Variants in RBFOX1 observed in about 807,000 individuals in gnomAD.
RBFOX1 encodes RNA binding fox-1 homolog 1.
A neutral mutation model predicts 57.7 loss-of-function variants in RBFOX1; 8 were observed. The ratio of observed to expected loss-of-function variants is 0.14; its 90% CI spans 0.08 to 0.25. The LOEUF is 0.25. RBFOX1 is among the 10% of genes least tolerant of loss of function. The pLI, the probability that RBFOX1 is intolerant of heterozygous loss-of-function variation, is 1.00. For missense variants in RBFOX1, 611 were observed against 548.5 expected (o/e 1.11, Z -1.14); for synonymous variants, 326 against 222.4 (o/e 1.47, Z -4.15).
chr16:5,851,602 A>G (rs540875775), intron 3 of RBFOX1, among the ~76,000 whole-genome samples: 2 of 152,306 alleles, frequency 1.3e-5, no homozygotes, highest in African/African-American at 4.8e-5. Context: ...GTTTCTTCTC[A>G]ATTTTGAGAT....
At chr16:6,750,792 G>A (rs538485805) in intron 3 of RBFOX1, among the ~76,000 whole-genome samples, 124 of 152,302 alleles carry the variant, frequency 8.1e-4, no homozygotes, top group Non-Finnish European at 8.5e-4. Context: ...TGGTGGAAGT[G>A]AGAAAAACAT....
At chr16:7,517,239 A>G (rs1003905348) in intron 4 of RBFOX1, among the ~76,000 whole-genome samples, 3 of 151,138 alleles carry the variant, frequency 2.0e-5, no homozygotes, top group Non-Finnish European at 4.4e-5. Context: ...GTTTCCTGAA[A>G]TGGAAGCATT....
At chr16:6,068,007 A>C (rs1041414683) in intron 1 of RBFOX1, among the ~76,000 whole-genome samples, 2 of 152,254 alleles carry the variant, frequency 1.3e-5, no homozygotes, top group African/African-American at 4.8e-5. Context: ...CAGTCTTTCT[A>C]TCAATATGAC....
chr16:6,944,717 C>G (rs1372567616), intron 3 of RBFOX1, among the ~76,000 whole-genome samples: 4 of 152,168 alleles, frequency 2.6e-5, no homozygotes, highest in African/African-American at 7.2e-5. Context: ...CCTGGGCAAC[C>G]TTTCTGCCCC....
chr16:5,658,809 G>GTATATATAATATATGTATATATGTA (rs1437586731), intron 3 of RBFOX1, among the ~76,000 whole-genome samples: 2,937 of 139,390 alleles, frequency 0.021, 125 homozygotes, highest in East Asian at 0.16. Flanking sequence ...GTGTATATAT[G>GTATATATAATATATGTATATATGTA]TATATATAAT....
intron 3 of RBFOX1, among the ~76,000 whole-genome samples, chr16:7,004,641 G>C (rs1279102609): frequency 1.3e-5 from 2 of 152,122 alleles, no homozygotes; most frequent in Non-Finnish European, 2.9e-5. Flanking sequence ...CTCAACATTG[G>C]TATTCCATTG....
intron 3 of RBFOX1, among the ~76,000 whole-genome samples, chr16:6,737,361 TTTAA>T (rs35083545): frequency 0.21 from 32,696 of 152,080 alleles, 4,052 homozygotes; most frequent in South Asian, 0.3. Context: ...TTATCTGTTG[TTTAA>T]TTATCAGGTA....
At chr16:6,906,336 G>A (rs770249784) in intron 3 of RBFOX1, among the ~76,000 whole-genome samples, 35 of 151,902 alleles carry the variant, frequency 2.3e-4, no homozygotes, top group Admixed American at 1.3e-4. Flanking sequence ...TGTGTCTCAG[G>A]CACTACCTAA....
chr16:7,623,656 C>T (rs2059647030), intron 10 of RBFOX1, among the ~76,000 whole-genome samples: 1 of 152,124 alleles, frequency 6.6e-6, no homozygotes, highest in Non-Finnish European at 1.5e-5. Context: ...GCTGTGTGGC[C>T]CAGTAGGGTC....
At chr16:5,489,575 C>T (rs2042757350) in intron 2 of RBFOX1, among the ~76,000 whole-genome samples, 1 of 152,132 alleles carries the variant, frequency 6.6e-6, no homozygotes, top group African/African-American at 2.4e-5. Flanking sequence ...GGTGTCTATT[C>T]CTAGTGCTAC....
At chr16:6,918,876 C>G (rs536407658) in intron 3 of RBFOX1, among the ~76,000 whole-genome samples, 32 of 152,158 alleles carry the variant, frequency 2.1e-4, no homozygotes, top group African/African-American at 7.7e-4. Context: ...CCTGATGTAA[C>G]AGATGGAGGA....
At chr16:6,303,876 A>C (rs1036444563) in intron 1 of RBFOX1, among the ~76,000 whole-genome samples, 2 of 129,600 alleles carry the variant, frequency 1.5e-5, no homozygotes, top group Admixed American at 2.0e-4. Flanking sequence ...CAATGGCGCT[A>C]TCTCAGCTCA....
intron 5 of RBFOX1, among the ~76,000 whole-genome samples, chr16:7,545,459 C>G (rs1304131150): frequency 6.6e-6 from 1 of 152,132 alleles, no homozygotes; most frequent in African/African-American, 2.4e-5. Context: ...TAGGAGACAT[C>G]AAAACCCCAG....
At chr16:6,509,265 C>G (rs2096195255) in intron 2 of RBFOX1, among the ~76,000 whole-genome samples, 1 of 152,118 alleles carries the variant, frequency 6.6e-6, no homozygotes, top group Admixed American at 6.6e-5. Context: ...GTTATTTGAG[C>G]TCCTTATATA....
chr16:6,158,800 G>C (rs1287814715), intron 1 of RBFOX1, among the ~76,000 whole-genome samples: 2 of 152,120 alleles, frequency 1.3e-5, no homozygotes, highest in Admixed American at 6.5e-5. Context: ...ACTGGGGAGA[G>C]GGCACGTCTG....
intron 2 of RBFOX1, among the ~76,000 whole-genome samples, chr16:5,591,471 G>C (rs564204350): frequency 6.6e-6 from 1 of 152,034 alleles, no homozygotes; most frequent in Non-Finnish European, 1.5e-5. Flanking sequence ...GGTTGGTCTC[G>C]TACTCCTGAC....
intron 3 of RBFOX1, among the ~76,000 whole-genome samples, chr16:6,993,379 G>T (rs187059520): frequency 2.6e-5 from 4 of 152,046 alleles, no homozygotes; most frequent in Admixed American, 6.6e-5. Context: ...AGCTCCTTTC[G>T]GTAATAAATT....
chr16:6,585,345 G>T (rs1343550700), intron 2 of RBFOX1, among the ~76,000 whole-genome samples: 1 of 152,176 alleles, frequency 6.6e-6, no homozygotes, highest in Non-Finnish European at 1.5e-5. Flanking sequence ...GTGTGAGGAA[G>T]TGCTGTTATA....
At chr16:6,323,170 T>G (rs547965294) in intron 2 of RBFOX1, among the ~76,000 whole-genome samples, 1 of 152,312 alleles carries the variant, frequency 6.6e-6, no homozygotes, top group East Asian at 1.9e-4. Context: ...AAATAACAAT[T>G]CCTTCTGCTT....
Sources: allele counts gnomAD v4.1 joint callset (sites outside exome capture counted in the v4.1 genomes callset), GRCh38; gene constraint gnomAD v4.1.1; transcripts MANE v1.5; gene names NCBI Gene and HGNC (gene_info 2026-07-23, HGNC 2026-07-21).